Variants in SLC26A5 observed in about 807,000 individuals in gnomAD.
The protein encoded by SLC26A5 is solute carrier family 26 member 5, also known as prestin.
Under a neutral mutation model 81.0 loss-of-function variants are expected in SLC26A5, and 51 were observed. The ratio of observed to expected loss-of-function variants is 0.63; its 90% CI spans 0.50 to 0.80. SLC26A5 has a LOEUF of 0.80. Ranked by LOEUF, SLC26A5 falls within the 30% of genes least tolerant of loss-of-function variation. The probability of loss-of-function intolerance (pLI) is 0.00; values close to 1 mark genes in which losing one functional copy is unlikely to be tolerated. For missense variants in SLC26A5, 771 were observed against 905.8 expected, an observed-to-expected ratio of 0.85 and a Z score of 1.91; for synonymous variants, 325 against 332.8, an observed-to-expected ratio of 0.98 and a Z score of 0.25.
At chr7:103,383,351 C>T (rs952832869) in intron 14 of SLC26A5, among the ~76,000 whole-genome samples, 1 of 152,178 alleles carries the variant, frequency 6.6e-6, no homozygotes, top group South Asian at 2.1e-4. Context: ...TGTGGGTACA[C>T]AGGGGAAGTT....
chr7:103,430,976 T>A (rs1826040015), intron 2 of SLC26A5, among the ~76,000 whole-genome samples: 1 of 152,220 alleles, frequency 6.6e-6, no homozygotes, highest in South Asian at 2.1e-4. Flanking sequence ...ACTAATTTGC[T>A]GTGACTCCCT....
At position 103,364,958 on chromosome 7, in the gene SLC26A5, CATATATAT is replaced by C. The variant is rs59914167; in HGVS notation, c.2041+11842_2041+11849del. The stretch of plus-strand genomic sequence containing the variant: ...GGTTGTTTTTATGTTTGTAGACATA[CATATATAT>C]ATATATATATATATATATTTAGAGA... On this transcript the variant is annotated intron_variant, in intron 19 of 19. Coordinates refer to the SLC26A5 transcript ENST00000339444. 9.1e-3 allele frequency among the ~76,000 whole-genome samples: 1,140 copies of C among 125,494 alleles called. 26 individuals carry two copies. Among genetic ancestry groups the C allele is most frequent in the African/African-American group, 0.031 (1,053 of 34,184 alleles). The allele number at this position is 125,494 out of a possible 152,430, so 82.3% of individuals were successfully genotyped here.
chr7:103,389,861 C>G (rs1389365184), intron 12 of SLC26A5, among the ~76,000 whole-genome samples: 2 of 152,162 alleles, frequency 1.3e-5, no homozygotes, highest in Admixed American at 6.5e-5. Flanking sequence ...CTCCTAACCA[C>G]AGGTTATCTG....
At chr7:103,355,936 T>A in intron 19 of SLC26A5, 1 of 542,410 alleles carries the variant, frequency 1.8e-6, no homozygotes, top group Non-Finnish European at 3.2e-6. Context: ...AAACTGGGGT[T>A]AAAATTTTAT....
At chr7:103,431,735 T>C (rs1222714275) in intron 2 of SLC26A5, among the ~76,000 whole-genome samples, 2 of 152,160 alleles carry the variant, frequency 1.3e-5, no homozygotes, top group African/African-American at 4.8e-5. Context: ...GGGATTTGTA[T>C]GAGATAGTTC....
At chr7:103,413,473 A>G (rs1185281022) in intron 4 of SLC26A5, among the ~76,000 whole-genome samples, 1 of 151,734 alleles carries the variant, frequency 6.6e-6, no homozygotes, top group African/African-American at 2.4e-5. Flanking sequence ...TTCTCTGGAG[A>G]CCCCTTTGCA....
intron 1 of SLC26A5, among the ~76,000 whole-genome samples, chr7:103,444,059 C>T (rs916723252): frequency 6.6e-6 from 1 of 152,066 alleles, no homozygotes; most frequent in African/African-American, 2.4e-5. Context: ...GTTGTTGGTA[C>T]CTACAATAAA....
At chr7:103,382,865 G>A (rs1008551867) in intron 14 of SLC26A5, among the ~76,000 whole-genome samples, 1 of 152,198 alleles carries the variant, frequency 6.6e-6, no homozygotes, top group African/African-American at 2.4e-5. Flanking sequence ...GTTGTTCAAT[G>A]TCAGACAGCT....
At chr7:103,388,587 G>C (rs1437256238) in intron 14 of SLC26A5, 1 of 331,400 alleles carries the variant, frequency 3.0e-6, no homozygotes, top group Non-Finnish European at 5.9e-6. Context: ...AGTGGTTCAG[G>C]GTGGAGGAAA....
chr7:103,376,162 G>A (rs1821340813), intron 19 of SLC26A5, among the ~76,000 whole-genome samples: 1 of 151,404 alleles, frequency 6.6e-6, no homozygotes, highest in Non-Finnish European at 1.5e-5. Flanking sequence ...TGCAACTTCT[G>A]CCTCCCAGAT....
chr7:103,363,771 A>C (rs1190422468), intron 19 of SLC26A5, among the ~76,000 whole-genome samples: 1 of 152,248 alleles, frequency 6.6e-6, no homozygotes, highest in Non-Finnish European at 1.5e-5. Flanking sequence ...AAGGGGCTTA[A>C]ATTGAAGCAG....
chr7:103,366,961 T>C (rs1326622800), intron 19 of SLC26A5, among the ~76,000 whole-genome samples: 3 of 152,154 alleles, frequency 2.0e-5, no homozygotes, highest in South Asian at 2.1e-4. Context: ...CCTACCACCA[T>C]GCCTGGCTAA....
downstream of SLC26A5, among the ~76,000 whole-genome samples, chr7:103,373,905 G>A (rs1225329471): frequency 2.0e-5 from 3 of 152,066 alleles, no homozygotes; most frequent in Admixed American, 1.3e-4. Flanking sequence ...TGTCCTCAAT[G>A]CATTTATACT....
At chr7:103,431,050 A>C (rs1826046038) in intron 2 of SLC26A5, among the ~76,000 whole-genome samples, 1 of 152,228 alleles carries the variant, frequency 6.6e-6, no homozygotes, top group South Asian at 2.1e-4. Flanking sequence ...TAACGCTCAT[A>C]AGATATGCCT....
intron 16 of SLC26A5, 114 bp from the exon 17 acceptor site, chr7:103,378,667 C>T: frequency 2.2e-6 from 2 of 905,144 alleles, no homozygotes. Flanking sequence ...GATTATCACC[C>T]CAACCCTTGC....
intron 15 of SLC26A5, among the ~76,000 whole-genome samples, chr7:103,379,876 G>C (rs1821645364): frequency 6.6e-6 from 1 of 152,112 alleles, no homozygotes; most frequent in African/African-American, 2.4e-5. Context: ...TACTTCTTTG[G>C]ATCGAGGAAA....
chr7:103,404,724 G>A (rs1024513149), intron 8 of SLC26A5, among the ~76,000 whole-genome samples: 8 of 152,056 alleles, frequency 5.3e-5, no homozygotes, highest in Non-Finnish European at 1.0e-4. Context: ...TTGACTGTTG[G>A]CCTGTCTTGC....
downstream of SLC26A5, among the ~76,000 whole-genome samples, chr7:103,370,604 G>T (rs566035319): frequency 6.6e-6 from 1 of 152,308 alleles, no homozygotes; most frequent in East Asian, 1.9e-4. Flanking sequence ...ACTACAAAAT[G>T]AGCTATTCCA....
intron 6 of SLC26A5, 139 bp from the exon 7 acceptor site, chr7:103,410,688 T>C: frequency 1.3e-6 from 1 of 784,650 alleles, no homozygotes; most frequent in Admixed American, 2.2e-5. Context: ...ACCCAGGCAG[T>C]GGCACAGTCT....
Sources: allele counts gnomAD v4.1 joint callset (sites outside exome capture counted in the v4.1 genomes callset), GRCh38; gene constraint gnomAD v4.1.1; transcripts MANE v1.5; gene names NCBI Gene and HGNC (gene_info 2026-07-23, HGNC 2026-07-21).